Variants in RIMS1 observed in about 807,000 individuals in gnomAD.
The protein encoded by RIMS1 is regulating synaptic membrane exocytosis protein 1.
A neutral mutation model predicts 214.1 loss-of-function variants in RIMS1; 83 were observed. That is an observed-to-expected ratio of 0.39 (90% CI 0.32 to 0.47). The LOEUF is 0.47. RIMS1 is among the 20% of genes least tolerant of loss of function. The pLI is 0.99. For missense variants in RIMS1, 2,050 were observed against 2,161.8 expected (o/e 0.95, Z 1.03); for synonymous variants, 793 against 786.8 (o/e 1.01, Z -0.13).
At chr6:72,177,039 T>C (rs2047809739) in intron 4 of RIMS1, among the ~76,000 whole-genome samples, 2 of 152,212 alleles carry the variant, frequency 1.3e-5, no homozygotes, top group Admixed American at 6.5e-5. Context: ...ATTGTGATAA[T>C]AATTTCTAGA....
At chr6:72,161,488 A>G (rs1359973070) in intron 4 of RIMS1, among the ~76,000 whole-genome samples, 1 of 139,448 alleles carries the variant, frequency 7.2e-6, no homozygotes, top group Non-Finnish European at 1.6e-5. Context: ...TTAGGGTGTC[A>G]ATTTTAGATC....
chr6:72,351,958 T>C (rs781652719), intron 29 of RIMS1, among the ~76,000 whole-genome samples: 19 of 152,186 alleles, frequency 1.2e-4, no homozygotes, highest in Non-Finnish European at 2.2e-4. Flanking sequence ...ATGAGGAAAT[T>C]GAAACACAGA....
At chr6:71,896,685 T>C (rs1447611156) in intron 1 of RIMS1, among the ~76,000 whole-genome samples, 15 of 152,136 alleles carry the variant, frequency 9.9e-5, no homozygotes, top group Non-Finnish European at 1.5e-4. Flanking sequence ...ATAGTGCAAA[T>C]TGAGTGGTGG....
At chr6:72,346,278 GCAGT>G (rs1049968243) in intron 29 of RIMS1, among the ~76,000 whole-genome samples, 29 of 151,900 alleles carry the variant, frequency 1.9e-4, no homozygotes, top group Non-Finnish European at 2.8e-4. Context: ...TTCATGAATA[GCAGT>G]CAGAGTTAGA....
In RIMS1 at chr6:72,097,198, G is replaced by A. The variant is rs192934726; in HGVS notation, c.459+36G>A. 6.6e-5 allele frequency: 104 copies of A among 1,578,256 alleles called. No individual in the cohort carries two copies. The East Asian group carries it at 1.9e-3, about 29-fold the overall frequency. On this transcript the variant is annotated intron_variant, in intron 3 of 33. Coordinates refer to ENST00000521978, the MANE Select transcript of RIMS1 (RefSeq NM_014989.7). Reference sequence around the variant, plus strand: ...CATGAACATAAGGGGCGTTGTGAATGTGGATAAAAACTATTACGCCTTCCA... The same window carrying A: ...CATGAACATAAGGGGCGTTGTGAATATGGATAAAAACTATTACGCCTTCCA...
At chr6:72,200,473 T>C (rs2051748276) in intron 6 of RIMS1, among the ~76,000 whole-genome samples, 1 of 152,190 alleles carries the variant, frequency 6.6e-6, no homozygotes. Context: ...TGAAAGGCTT[T>C]CTGTAGTTTC....
intron 27 of RIMS1, among the ~76,000 whole-genome samples, chr6:72,311,435 G>A (rs1382807317): frequency 2.0e-5 from 3 of 152,104 alleles, no homozygotes; most frequent in Non-Finnish European, 4.4e-5. Flanking sequence ...GAATTTGCTG[G>A]TAAACCATAT....
intron 10 of RIMS1, among the ~76,000 whole-genome samples, chr6:72,244,073 GA>G (rs1365442890): frequency 6.6e-6 from 1 of 150,670 alleles, no homozygotes; most frequent in African/African-American, 2.4e-5. Context: ...ATAATTAAAG[GA>G]AAAAGAAAAT....
chr6:72,099,179 T>C (rs2032867457), intron 3 of RIMS1, among the ~76,000 whole-genome samples: 2 of 152,192 alleles, frequency 1.3e-5, no homozygotes, highest in African/African-American at 4.8e-5. Context: ...CCAATAGCAA[T>C]ACAGTTAATG....
chr6:72,006,519 G>A (rs1306715003), intron 2 of RIMS1, among the ~76,000 whole-genome samples: 2 of 152,162 alleles, frequency 1.3e-5, no homozygotes, highest in South Asian at 2.1e-4. Context: ...GTGATCCGAG[G>A]CAAGGCGAGG....
intron 2 of RIMS1, among the ~76,000 whole-genome samples, chr6:72,020,700 T>C (rs759660641): frequency 1.3e-5 from 2 of 152,156 alleles, no homozygotes; most frequent in Non-Finnish European, 2.9e-5. Flanking sequence ...AGAACAATAA[T>C]ATATGGCAAA....
rs1323148016 is a variant in RIMS1, at chr6:72,157,884, A to G, written c.472-21691A>G. Among the ~76,000 whole-genome samples the G allele has an allele frequency of 2.1e-5, 3 of 140,202 alleles. 1 individual carries two copies. The allele number at this position is 140,202 out of a possible 152,430, so 92.0% of individuals were successfully genotyped here. A position where few individuals can be genotyped will look rare whatever the true frequency, so the allele number is the denominator to read the frequency against. On this transcript the variant is annotated intron_variant, in intron 4 of 33. Coordinates refer to ENST00000521978, the MANE Select transcript of RIMS1 (RefSeq NM_014989.7). ...CTATCTTTTCATTTTCTTGCCAGCAATACACTCTATTGCTATTATTTTGTT... is the reference window on the plus strand; with the variant it reads ...CTATCTTTTCATTTTCTTGCCAGCAGTACACTCTATTGCTATTATTTTGTT...
chr6:71,906,060 T>A (rs1775164978), intron 1 of RIMS1, among the ~76,000 whole-genome samples: 1 of 152,088 alleles, frequency 6.6e-6, no homozygotes, highest in Non-Finnish European at 1.5e-5. Flanking sequence ...CAGAATAAGA[T>A]CTAGAACCCA....
intron 2 of RIMS1, among the ~76,000 whole-genome samples, chr6:72,005,400 C>A (rs1807110057): frequency 6.6e-6 from 1 of 152,140 alleles, no homozygotes; most frequent in South Asian, 2.1e-4. Flanking sequence ...TTTTCCAATT[C>A]TGTGAAGAAA....
At chr6:72,031,548 A>T (rs990144113) in intron 2 of RIMS1, among the ~76,000 whole-genome samples, 1 of 152,180 alleles carries the variant, frequency 6.6e-6, no homozygotes, top group Admixed American at 6.6e-5. Flanking sequence ...TCTTGAATTG[A>T]TGTAAACTAA....
intron 31 of RIMS1, among the ~76,000 whole-genome samples, chr6:72,393,620 G>A (rs1009343598): frequency 3.3e-5 from 5 of 151,990 alleles, no homozygotes; most frequent in South Asian, 2.1e-4. Flanking sequence ...CCAGCTACTC[G>A]GGAGGCTGAG....
At chr6:71,956,797 C>T (rs1392437339) in intron 1 of RIMS1, among the ~76,000 whole-genome samples, 8 of 152,030 alleles carry the variant, frequency 5.3e-5, no homozygotes, top group East Asian at 1.9e-4. Flanking sequence ...TCTCGTTGCG[C>T]GAATGAATGG....
intron 29 of RIMS1, among the ~76,000 whole-genome samples, chr6:72,351,286 A>G (rs9442771): frequency 0.018 from 2,666 of 152,048 alleles, 79 homozygotes; most frequent in African/African-American, 0.062. Context: ...ACCAGCAATC[A>G]TTTCCACTGA....
At chr6:72,007,162 T>A (rs1808071125) in intron 2 of RIMS1, among the ~76,000 whole-genome samples, 1 of 152,158 alleles carries the variant, frequency 6.6e-6, no homozygotes, top group Non-Finnish European at 1.5e-5. Flanking sequence ...CATTTACTGT[T>A]CACTGATATT....
Sources: gnomAD v4.1 joint callset for allele counts (sites outside exome capture counted in the v4.1 genomes callset) on GRCh38, gnomAD v4.1.1 for gene constraint, MANE v1.5 for transcripts, NCBI Gene and HGNC (gene_info 2026-07-23, HGNC 2026-07-21) for gene names.